Variants in MMRN1 observed in about 807,000 individuals in gnomAD.
The protein encoded by MMRN1 is multimerin-1.
A neutral mutation model predicts 100.7 loss-of-function variants in MMRN1; 94 were observed. The ratio of observed to expected loss-of-function variants is 0.93; its 90% CI spans 0.79 to 1.11. The LOEUF (loss-of-function observed/expected upper bound fraction) is 1.11, where lower values mean the gene tolerates loss of function less well. MMRN1 is among the 50% of genes least tolerant of loss of function. MMRN1 has a pLI of 0.00. For missense variants in MMRN1, 1,606 were observed against 1,439.1 expected (o/e 1.12, Z -1.88); for synonymous variants, 575 against 505.0 (o/e 1.14, Z -1.86).
At chr4:89,880,718 C>T (rs1720798204) in intron 1 of MMRN1, among the ~76,000 whole-genome samples, 1 of 152,102 alleles carries the variant, frequency 6.6e-6, no homozygotes, top group African/African-American at 2.4e-5. Flanking sequence ...CAATATCTCG[C>T]TTTACATTGT....
intron 6 of MMRN1, among the ~76,000 whole-genome samples, chr4:89,947,332 T>A (rs115437039): frequency 0.029 from 4,384 of 152,242 alleles, 146 homozygotes; most frequent in African/African-American, 0.077. Flanking sequence ...TAGGATAACA[T>A]GACAATGATA....
intron 6 of MMRN1, among the ~76,000 whole-genome samples, chr4:89,941,931 G>A (rs1722842310): frequency 6.6e-6 from 1 of 152,110 alleles, no homozygotes; most frequent in Non-Finnish European, 1.5e-5. Flanking sequence ...GACTCCCCCA[G>A]ATTTCCATAT....
At chr4:89,889,464 G>A (rs777291366) in intron 1 of MMRN1, among the ~76,000 whole-genome samples, 26 of 152,180 alleles carry the variant, frequency 1.7e-4, no homozygotes, top group Non-Finnish European at 2.4e-4. Flanking sequence ...CATAGTTCCT[G>A]CTTATCCCTG....
chr4:89,924,120 C>G (rs1465370405), intron 4 of MMRN1, among the ~76,000 whole-genome samples: 4 of 152,154 alleles, frequency 2.6e-5, no homozygotes, highest in Admixed American at 6.5e-5. Flanking sequence ...ACGAATACCT[C>G]AGTAAACAAT....
At chr4:89,941,947 C>T (rs962237289) in intron 6 of MMRN1, among the ~76,000 whole-genome samples, 8 of 152,072 alleles carry the variant, frequency 5.3e-5, no homozygotes, top group African/African-American at 1.9e-4. Flanking sequence ...CATATGATTC[C>T]CTTCATATGG....
intron 1 of MMRN1, among the ~76,000 whole-genome samples, chr4:89,880,604 T>C (rs906540464): frequency 3.9e-5 from 6 of 152,174 alleles, no homozygotes; most frequent in Admixed American, 3.3e-4. Flanking sequence ...CAAGGATAGA[T>C]GAGTCCAGTC....
intron 4 of MMRN1, among the ~76,000 whole-genome samples, chr4:89,924,099 AT>A (rs1032244107): frequency 2.8e-4 from 42 of 152,324 alleles, no homozygotes; most frequent in African/African-American, 9.6e-4. Context: ...GAGTCTCTTT[AT>A]CTTTGATTAA....
intron 1 of MMRN1, among the ~76,000 whole-genome samples, chr4:89,898,307 G>A (rs1290867743): frequency 6.6e-6 from 1 of 152,024 alleles, no homozygotes; most frequent in Non-Finnish European, 1.5e-5. Flanking sequence ...TAAAGAAGAG[G>A]AAGATTTTTA....
chr4:89,926,011 T>G (rs1444448284), intron 4 of MMRN1, among the ~76,000 whole-genome samples: 1 of 152,202 alleles, frequency 6.6e-6, no homozygotes, highest in Non-Finnish European at 1.5e-5. Context: ...CCACATTTTC[T>G]TTATCCATTC....
intron 5 of MMRN1, among the ~76,000 whole-genome samples, chr4:89,929,685 A>C (rs1035005616): frequency 1.3e-5 from 2 of 152,168 alleles, no homozygotes; most frequent in African/African-American, 4.8e-5. Flanking sequence ...AACAGCATTA[A>C]TAATGAAACT....
chr4:89,892,581 T>G (rs1457892455), upstream of MMRN1, among the ~76,000 whole-genome samples: 1 of 151,912 alleles, frequency 6.6e-6, no homozygotes, highest in Non-Finnish European at 1.5e-5. Flanking sequence ...AATCACTAAA[T>G]GAGCTTGAGA....
chr4:89,941,738 T>C (rs1722830864), intron 6 of MMRN1, among the ~76,000 whole-genome samples: 1 of 152,150 alleles, frequency 6.6e-6, no homozygotes, highest in South Asian at 2.1e-4. Flanking sequence ...AAGATATCAG[T>C]CTCTGGCCTA....
At chr4:89,914,690 G>A (rs1319801541) in intron 3 of MMRN1, among the ~76,000 whole-genome samples, 3 of 151,340 alleles carry the variant, frequency 2.0e-5, no homozygotes, top group Non-Finnish European at 3.0e-5. Context: ...CCTTTAGAAA[G>A]GACCTAATTT....
At chr4:89,929,802 C>A (rs1321158568) in intron 5 of MMRN1, among the ~76,000 whole-genome samples, 1 of 152,078 alleles carries the variant, frequency 6.6e-6, no homozygotes, top group African/African-American at 2.4e-5. Context: ...AAAACTAAAC[C>A]CACCTCCAAG....
rs776746097 is a variant in MMRN1, at chr4:89,894,958, T to C, written c.-14T>C. 3.1e-6 allele frequency: 5 copies of C among 1,592,572 alleles called. No individual in the cohort carries two copies. The South Asian group carries it at 5.7e-5, about 18-fold the overall frequency. On this transcript the variant is annotated 5_prime_UTR_variant, in exon 1 of 8. Transcript: ENST00000264790. ...CCAAATTTCACATGAGCTACCTTGC[T>C]TCAAACTACTGAGATGAAGGGGGCA... is the stretch of plus-strand genomic sequence containing the variant.
At chr4:89,902,039 T>C (rs1171470707) in intron 1 of MMRN1, 2 of 151,846 alleles carry the variant, frequency 1.3e-5, no homozygotes, top group African/African-American at 2.4e-5. Flanking sequence ...CCTACTGGAA[T>C]AGAAACAGTT....
At chr4:89,923,855 C>G (rs1722165679) in intron 4 of MMRN1, among the ~76,000 whole-genome samples, 1 of 152,174 alleles carries the variant, frequency 6.6e-6, no homozygotes, top group Non-Finnish European at 1.5e-5. Context: ...CATCTATTCA[C>G]TGTGTTTGGC....
intron 5 of MMRN1, among the ~76,000 whole-genome samples, chr4:89,931,905 A>C (rs1722451816): frequency 3.3e-5 from 5 of 152,110 alleles, no homozygotes; most frequent in Admixed American, 3.3e-4. Flanking sequence ...GGCCCCTTCC[A>C]AATCTCATGT....
chr4:89,926,106 T>C (rs1450163338), intron 4 of MMRN1, among the ~76,000 whole-genome samples: 1 of 152,228 alleles, frequency 6.6e-6, no homozygotes, highest in Non-Finnish European at 1.5e-5. Context: ...CAGATACTTC[T>C]TGGATATACA....
Sources: allele counts gnomAD v4.1 joint callset (sites outside exome capture counted in the v4.1 genomes callset), GRCh38; gene constraint gnomAD v4.1.1; transcripts MANE v1.5; gene names NCBI Gene and HGNC (gene_info 2026-07-23, HGNC 2026-07-21).